Variants in THRB observed in about 807,000 individuals in gnomAD.
THRB encodes the protein nuclear receptor subfamily 1 group A member 2.
A neutral mutation model predicts 47.8 loss-of-function variants in THRB; 12 were observed. The observed-to-expected ratio is 0.25, with a 90% CI of 0.16 to 0.41. The LOEUF is 0.41. Ranked by LOEUF, THRB falls within the 10% of genes least tolerant of loss-of-function variation. The pLI is 1.00. For synonymous variants in THRB, 218 were observed against 212.2 expected (o/e 1.03, Z -0.24); for missense variants, 348 against 589.2 (o/e 0.59, Z 4.24).
intron 5 of THRB, among the ~76,000 whole-genome samples, chr3:24,174,148 G>A (rs943400886): frequency 6.6e-6 from 1 of 151,932 alleles, no homozygotes; most frequent in Non-Finnish European, 1.5e-5. Flanking sequence ...TGTTAAGCCG[G>A]GCATGCATTA....
At position 24,190,062 on chromosome 3, in the gene THRB, A is replaced by G. The variant is rs372413180; in HGVS notation, c.283+12T>C. 284 of 1,613,770 alleles carry G rather than the reference A, an allele frequency of 1.8e-4. No homozygotes were observed. The highest frequency in any genetic ancestry group is 2.2e-4 in the Non-Finnish European group (265 of 1,179,806). On this transcript the variant is annotated intron_variant, in intron 5 of 10. Transcript: ENST00000646209. Reference sequence around the variant, plus strand: ...GAAACACATGATAATGGGCTAATAAAAATCTGGTTACCTTTACATTTCTTC... The same window carrying G: ...GAAACACATGATAATGGGCTAATAAGAATCTGGTTACCTTTACATTTCTTC...
intron 8 of THRB, among the ~76,000 whole-genome samples, chr3:24,138,966 G>A (rs3772381): frequency 0.17 from 26,254 of 152,200 alleles, 2,439 homozygotes; most frequent in African/African-American, 0.22. Flanking sequence ...AATAAATGAT[G>A]TCAATAGACA....
At chr3:24,296,452 T>C (rs975988851) in intron 3 of THRB, among the ~76,000 whole-genome samples, 6 of 152,232 alleles carry the variant, frequency 3.9e-5, no homozygotes, top group Non-Finnish European at 7.3e-5. Flanking sequence ...CACCGTCTAC[T>C]GCAATTACGT....
chr3:24,305,394 G>A (rs1181211123), intron 2 of THRB, among the ~76,000 whole-genome samples: 1 of 152,158 alleles, frequency 6.6e-6, no homozygotes, highest in Admixed American at 6.5e-5. Flanking sequence ...AGGGGTGGTG[G>A]ATGTAGCACC....
chr3:24,424,761 T>C (rs1424862973), intron 1 of THRB, among the ~76,000 whole-genome samples: 1 of 151,998 alleles, frequency 6.6e-6, no homozygotes. Context: ...TGCATTGTTT[T>C]ATTTCTGATT....
chr3:24,148,139 T>A (rs2149050261), intron 6 of THRB, among the ~76,000 whole-genome samples: 1 of 152,282 alleles, frequency 6.6e-6, no homozygotes, highest in South Asian at 2.1e-4. Flanking sequence ...AAAAAAAATT[T>A]TTTTTGAGAC....
chr3:24,334,975 G>T (rs769601462), intron 2 of THRB, among the ~76,000 whole-genome samples: 1 of 152,154 alleles, frequency 6.6e-6, no homozygotes, highest in African/African-American at 2.4e-5. Context: ...TCTCACTTAC[G>T]GAATTCTTTA....
intron 2 of THRB, among the ~76,000 whole-genome samples, chr3:24,318,897 T>G (rs929616182): frequency 2.0e-5 from 3 of 152,238 alleles, no homozygotes; most frequent in African/African-American, 7.2e-5. Flanking sequence ...AGAGAAATAG[T>G]TAGGATTCCT....
intron 1 of THRB, among the ~76,000 whole-genome samples, chr3:24,350,982 T>C (rs1037815044): frequency 5.9e-5 from 9 of 152,280 alleles, no homozygotes; most frequent in South Asian, 2.1e-4. Context: ...AGTATCTATA[T>C]GAAATGGTAT....
chr3:24,160,849 G>A (rs1393850396), intron 5 of THRB, among the ~76,000 whole-genome samples: 2 of 152,226 alleles, frequency 1.3e-5, no homozygotes, highest in Non-Finnish European at 2.9e-5. Flanking sequence ...TATGCAGAAA[G>A]TCAGCAGTCT....
intron 1 of THRB, among the ~76,000 whole-genome samples, chr3:24,416,984 T>C (rs1296727499): frequency 6.6e-6 from 1 of 151,910 alleles, no homozygotes; most frequent in African/African-American, 2.4e-5. Context: ...AAAGCAGATA[T>C]TTCTTTTGTG....
intron 1 of THRB, among the ~76,000 whole-genome samples, chr3:24,481,717 A>G (rs1003060595): frequency 6.6e-6 from 1 of 152,192 alleles, no homozygotes; most frequent in Admixed American, 6.5e-5. Context: ...CTCAATTCTA[A>G]TTAATCAGGG....
Position 24,143,004 on chromosome 3 carries a change from A to G in THRB, c.738+497T>C, listed in dbSNP as rs990376171. 2.0e-5 allele frequency among the ~76,000 whole-genome samples: 3 copies of G among 152,132 alleles called. No homozygotes were observed. In the South Asian group the frequency reaches 6.2e-4, roughly 32 times the overall value. On this transcript the variant is annotated intron_variant, in intron 8 of 10. Coordinates refer to ENST00000646209, the MANE Select transcript of THRB (RefSeq NM_001354712.2). ...ACCCTATCCCTACTCCCTCATTCCC[A>G]TTGCCCTTCTTGAGTCAAGCTCATT...
At chr3:24,188,195 C>T (rs2042842280) in intron 5 of THRB, among the ~76,000 whole-genome samples, 1 of 152,206 alleles carries the variant, frequency 6.6e-6, no homozygotes, top group South Asian at 2.1e-4. Context: ...ACCAGGCTCA[C>T]AGCATAGTTC....
intron 1 of THRB, among the ~76,000 whole-genome samples, chr3:24,483,066 A>C (rs1316264048): frequency 6.6e-6 from 1 of 152,150 alleles, no homozygotes; most frequent in Non-Finnish European, 1.5e-5. Context: ...TACTTCTTAA[A>C]ATATTTAATA....
chr3:24,412,465 G>T (rs2068385211), intron 1 of THRB, among the ~76,000 whole-genome samples: 1 of 151,648 alleles, frequency 6.6e-6, no homozygotes, highest in African/African-American at 2.4e-5. Flanking sequence ...TAGGAGCTTG[G>T]GAAAAGTTTG....
chr3:24,375,828 C>G (rs2065247490), intron 1 of THRB, among the ~76,000 whole-genome samples: 1 of 151,998 alleles, frequency 6.6e-6, no homozygotes, highest in African/African-American at 2.4e-5. Flanking sequence ...TCCAGATCTT[C>G]TGATCCCAAG....
chr3:24,377,155 G>C (rs936076769), intron 1 of THRB, among the ~76,000 whole-genome samples: 1 of 151,992 alleles, frequency 6.6e-6, no homozygotes, highest in South Asian at 2.1e-4. Context: ...TTGTTGCCCA[G>C]GCTGGTTTTG....
chr3:24,293,131 A>G (rs1253071544), intron 3 of THRB, among the ~76,000 whole-genome samples: 1 of 152,210 alleles, frequency 6.6e-6, no homozygotes, highest in East Asian at 1.9e-4. Context: ...TTACTTTTAA[A>G]AGTTCCTGGC....
Sources: gnomAD v4.1 joint callset for allele counts (sites outside exome capture counted in the v4.1 genomes callset) on GRCh38, gnomAD v4.1.1 for gene constraint, MANE v1.5 for transcripts, NCBI Gene and HGNC (gene_info 2026-07-23, HGNC 2026-07-21) for gene names.